Variants in RPGR observed in about 807,000 individuals in gnomAD.
RPGR encodes the protein retinitis pigmentosa GTPase regulator.
Under a neutral mutation model 56.3 loss-of-function variants are expected in RPGR, and 10 were observed. The ratio of observed to expected loss-of-function variants is 0.18; its 90% confidence interval spans 0.11 to 0.30. RPGR has a LOEUF of 0.30. Among genes scored for constraint, RPGR ranks in the 10% least tolerant of loss-of-function variants. The probability of loss-of-function intolerance (pLI) is 1.00; values close to 1 mark genes in which losing one functional copy is unlikely to be tolerated. For synonymous variants in RPGR, 197 were observed against 212.9 expected (o/e 0.93, Z 0.65); for missense variants, 538 against 590.9 (o/e 0.91, Z 0.93).
Position 38,269,306 on chromosome X carries a change from A to T in RPGR, c.*320T>A, listed in dbSNP as rs1355858972. ...AATATTGCCTTATAAAATTATAAAG[A>T]AGTAAAATTGTTTAGTAAAAACTAG... is the stretch of plus-strand genomic sequence containing the variant. On this transcript the variant is annotated 3_prime_UTR_variant, in exon 19 of 19. Transcript: ENST00000642395. The T allele has an allele frequency of 3.4e-5, 5 of 146,584 alleles. No homozygotes were observed. The East Asian group carries it at 8.5e-4, about 25-fold the overall frequency. 12.1% of individuals were successfully genotyped at this position (146,584 alleles called of 1,213,427 possible). A position where few individuals can be genotyped will look rare whatever the true frequency, so the allele number is the denominator to read the frequency against.
rs1555962232 is a variant in RPGR at position 38,287,808 on chromosome X, T to A, written c.1753+53A>T. ...TTTCATGTCTATATACCTCTTTTTGTAAACCCTCTCCATCAGTGTCAGCCT... is the reference window on the plus strand; with the variant it reads ...TTTCATGTCTATATACCTCTTTTTGAAAACCCTCTCCATCAGTGTCAGCCT... On this transcript the variant is annotated intron_variant, in intron 14 of 18. Coordinates refer to ENST00000642395, the MANE Select transcript of RPGR (RefSeq NM_000328.3). 25 of 1,086,935 alleles carry A rather than the reference T, an allele frequency of 2.3e-5. 1 individual carries two copies. In the South Asian group the frequency reaches 4.4e-4, roughly 19 times the overall value. 89.6% of individuals were successfully genotyped at this position (1,086,935 alleles called of 1,213,427 possible). A position where few individuals can be genotyped will look rare whatever the true frequency, so the allele number is the denominator to read the frequency against.
At position 38,299,265 on chromosome X, in the gene RPGR, ATC is replaced by A. The variant is rs1211571887; in HGVS notation, c.1060-126_1060-125del. 28 of 669,210 alleles carry A rather than the reference ATC, an allele frequency of 4.2e-5. No homozygotes were observed. In the African/African-American group the frequency reaches 5.4e-4, roughly 13 times the overall value. 55.2% of individuals were successfully genotyped at this position (669,210 alleles called of 1,213,427 possible). On this transcript the variant is annotated intron_variant, in intron 9 of 18. Coordinates refer to ENST00000642395, the MANE Select transcript of RPGR (RefSeq NM_000328.3). ...CTTCCTAGACAGACTGGCTTGGTGAATCTCTCTGTCTATACGTATGTGTGTGC... is the reference window on the plus strand; with the variant it reads ...CTTCCTAGACAGACTGGCTTGGTGAATCTCTGTCTATACGTATGTGTGTGC...
rs143536063 is a variant in RPGR, at chrX:38,298,957, C to A, written c.1244G>T (p.Arg415Met). 2 of 1,209,420 alleles carry A rather than the reference C, an allele frequency of 1.7e-6. No homozygotes were observed. The highest frequency in any genetic ancestry group is 3.5e-5 in the African/African-American group (2 of 57,180). ...ATACAGAATAGGCCACAATTGTACC[C>A]TCTCTCTTCGCCGCATACGTGCTGA... Residue 415 changes from arginine to methionine, a missense_variant and splice_region_variant, in exon 10 of 19, where the codon AGG (arginine) becomes ATG (methionine). Physicochemically the swap from Arg to Met is moderately conservative, Grantham distance 91. Transcript: ENST00000642395.
intron 11 of RPGR, 72 bp downstream of exon 11, chrX:38,297,212 T>C: frequency 1.9e-6 from 2 of 1,055,704 alleles, no homozygotes; most frequent in Non-Finnish European, 2.6e-6. Context: ...GAAAACATCT[T>C]AAGATAAACA....
At chrX:38,291,930 T>TC (rs1230592400) in intron 11 of RPGR, among the ~76,000 whole-genome samples, 1 of 112,126 alleles carries the variant, frequency 8.9e-6, no homozygotes, top group Non-Finnish European at 1.9e-5. Context: ...GGCTTCTGTT[T>TC]TGGTTATACA....
chrX:38,282,466 C>A (rs1218139390), intron 15 of RPGR, among the ~76,000 whole-genome samples: 5 of 111,833 alleles, frequency 4.5e-5, no homozygotes, highest in Non-Finnish European at 7.5e-5. Flanking sequence ...GTTTTAACTA[C>A]ATCTATGAGC....
intron 4 of RPGR, among the ~76,000 whole-genome samples, chrX:38,319,983 G>C (rs968977624): frequency 3.6e-5 from 4 of 111,590 alleles, no homozygotes; most frequent in Non-Finnish European, 7.5e-5. Flanking sequence ...GGGGAAACAA[G>C]ACTAGCTTTC....
intron 14 of RPGR, 129 bp from the exon 15 acceptor site, chrX:38,287,374 T>C: frequency 9.9e-7 from 1 of 1,008,350 alleles, no homozygotes; most frequent in Non-Finnish European, 1.4e-6. Context: ...TTCCACTTCA[T>C]CATCCTCTTT....
intron 1 of RPGR, 25 bp from the exon 2 acceptor site, chrX:38,323,549 T>A (rs1222249537): frequency 8.3e-7 from 1 of 1,199,443 alleles, no homozygotes; most frequent in African/African-American, 1.8e-5. Context: ...CGGTCTTTAT[T>A]TTATAACTTT....
intron 6 of RPGR, among the ~76,000 whole-genome samples, chrX:38,313,664 C>T (rs1482726101): frequency 8.9e-6 from 1 of 111,752 alleles, no homozygotes; most frequent in Non-Finnish European, 1.9e-5. Flanking sequence ...TCAATCGCAG[C>T]ATCACCTTGA....
chrX:38,281,277 A>G (rs891717622), intron 15 of RPGR, among the ~76,000 whole-genome samples: 1 of 112,582 alleles, frequency 8.9e-6, no homozygotes, highest in African/African-American at 3.2e-5. Context: ...TATTTTGATA[A>G]CAAGGTTAGG....
intron 9 of RPGR, among the ~76,000 whole-genome samples, chrX:38,300,103 C>T (rs371070841): frequency 2.9e-4 from 32 of 111,236 alleles, no homozygotes; most frequent in African/African-American, 9.5e-4. Context: ...GCACCTGCCA[C>T]CACGCCCAGC....
chrX:38,319,387 T>C (rs1316003541), intron 4 of RPGR, among the ~76,000 whole-genome samples: 2 of 112,653 alleles, frequency 1.8e-5, no homozygotes, highest in African/African-American at 6.4e-5. Context: ...GATATAATAG[T>C]ACAAATAAGT....
intron 10 of RPGR, 76 bp downstream of exon 10, chrX:38,298,880 G>C: frequency 1.8e-6 from 2 of 1,090,082 alleles, no homozygotes; most frequent in East Asian, 3.0e-5. Context: ...GATTTAAAAA[G>C]AAAACAGATT....
At chrX:38,280,191 A>G (rs11797950) in intron 15 of RPGR, among the ~76,000 whole-genome samples, 40 of 111,926 alleles carry the variant, frequency 3.6e-4, no homozygotes, top group South Asian at 7.5e-4. Flanking sequence ...ATGAGCATAT[A>G]CTATATATTT....
At chrX:38,326,682 T>C (rs754439680) in intron 1 of RPGR, 1 of 111,598 alleles carries the variant, frequency 9.0e-6, no homozygotes, top group South Asian at 3.8e-4. Context: ...ACTCACTCTT[T>C]ACTGCATTCA....
intron 17 of RPGR, chrX:38,274,989 C>G (rs984940896): frequency 1.5e-6 from 1 of 673,920 alleles, no homozygotes; most frequent in Non-Finnish European, 2.3e-6. Flanking sequence ...TATATGTAAA[C>G]TTATATGTAA....
Position 38,286,636 on chromosome X carries a change from TCTC to T in RPGR, c.1905+455_1905+457del, listed in dbSNP as rs1287687440. 21 of 1,067,323 alleles carry T rather than the reference TCTC, an allele frequency of 2.0e-5. 1 individual carries two copies. In the East Asian group the frequency reaches 2.0e-4, roughly 10 times the overall value. 88.0% of individuals were successfully genotyped at this position (1,067,323 alleles called of 1,213,427 possible). A position where few individuals can be genotyped will look rare whatever the true frequency, so the allele number is the denominator to read the frequency against. On this transcript the variant is annotated intron_variant, in intron 15 of 18. Coordinates refer to ENST00000642395, the MANE Select transcript of RPGR (RefSeq NM_000328.3). Reference sequence around the variant, plus strand: ...CCCCTCTCCTTGGTCTCCTTCTTCCTCTCCTTTCTCCTCCTTCCCCGCTCTTTC... The same window carrying T: ...CCCCTCTCCTTGGTCTCCTTCTTCCTCTTTCTCCTCCTTCCCCGCTCTTTC...
At chrX:38,310,991 T>C (rs1160015744) in intron 6 of RPGR, among the ~76,000 whole-genome samples, 1 of 112,365 alleles carries the variant, frequency 8.9e-6, no homozygotes, top group Non-Finnish European at 1.9e-5. Flanking sequence ...CCACTACTAA[T>C]AAACAACTAG....
Sources: allele counts gnomAD v4.1 joint callset (sites outside exome capture counted in the v4.1 genomes callset), GRCh38; gene constraint gnomAD v4.1.1; transcripts MANE v1.5; gene names NCBI Gene and HGNC (gene_info 2026-07-23, HGNC 2026-07-21).